Variants in ARHGAP21 observed in about 807,000 individuals in gnomAD.
The protein encoded by ARHGAP21 is rho GTPase-activating protein 21.
ARHGAP21 carries 38 observed loss-of-function variants against 164.6 expected under a neutral mutation model. The observed-to-expected ratio is 0.23, with a 90% CI of 0.18 to 0.30. The LOEUF (loss-of-function observed/expected upper bound fraction) is 0.30, where lower values mean the gene tolerates loss of function less well. Ranked by LOEUF, ARHGAP21 falls within the 10% of genes least tolerant of loss-of-function variation. The pLI is 1.00. For synonymous variants in ARHGAP21, 766 were observed against 857.9 expected, an observed-to-expected ratio of 0.89 and a Z score of 1.87; for missense variants, 1,822 against 2,370.7, an observed-to-expected ratio of 0.77 and a Z score of 4.81.
At chr10:24,685,243 G>T (rs1270211537) in intron 2 of ARHGAP21, among the ~76,000 whole-genome samples, 6 of 152,154 alleles carry the variant, frequency 3.9e-5, no homozygotes, top group Non-Finnish European at 8.8e-5. Context: ...ATGATGGAAA[G>T]AAATAATTTG....
intron 9 of ARHGAP21, among the ~76,000 whole-genome samples, chr10:24,616,577 C>G (rs1271965146): frequency 2.6e-5 from 4 of 152,106 alleles, no homozygotes; most frequent in African/African-American, 4.8e-5. Flanking sequence ...TGAGCACACA[C>G]GCAGCCAATG....
intron 24 of ARHGAP21, chr10:24,590,408 T>G (rs2076279788): frequency 6.5e-7 from 1 of 1,535,224 alleles, no homozygotes; most frequent in Admixed American, 2.0e-5. Flanking sequence ...TTCCTACAGT[T>G]CCAGCTGTCC....
chr10:24,708,059 A>G (rs1042620556), intron 2 of ARHGAP21, among the ~76,000 whole-genome samples: 4 of 152,248 alleles, frequency 2.6e-5, no homozygotes, highest in Admixed American at 2.6e-4. Context: ...AAAGTCTTCA[A>G]TAGCAAAATA....
At chr10:24,716,004 G>A (rs1330179716) in intron 2 of ARHGAP21, among the ~76,000 whole-genome samples, 1 of 152,196 alleles carries the variant, frequency 6.6e-6, no homozygotes, top group Non-Finnish European at 1.5e-5. Flanking sequence ...GCAAGGCTCT[G>A]TCTCAAAAAG....
intron 2 of ARHGAP21, among the ~76,000 whole-genome samples, chr10:24,674,820 G>A (rs1841057144): frequency 6.6e-6 from 1 of 152,144 alleles, no homozygotes. Flanking sequence ...ATCTGATAAA[G>A]GACTTGTATC....
chr10:24,679,291 G>A (rs1226673714), intron 2 of ARHGAP21, among the ~76,000 whole-genome samples: 2 of 152,178 alleles, frequency 1.3e-5, no homozygotes, highest in Non-Finnish European at 2.9e-5. Flanking sequence ...TTTGGTGAAG[G>A]CCTACTTCCT....
chr10:24,584,630 C>T lies in ARHGAP21; in HGVS notation c.5659G>A (p.Asp1887Asn), dbSNP rs779638258. 2.1e-5 allele frequency: 34 copies of T among 1,613,788 alleles called. No homozygotes were observed. Among genetic ancestry groups the T allele is most frequent in the South Asian group, 3.3e-5 (3 of 91,072 alleles). ...NPSTREIATTDTPLSLHCNTG... is the reference protein window; with the variant it reads ...NPSTREIATTNTPLSLHCNTG... ...TTGCAATGAAGAGACAAAGGTGTGT[C>T]GGTCGTGGCTATTTCTCGTGTGCTT... The change falls in exon 26 of 26, where the codon GAC (aspartate) becomes AAC (asparagine). Residue 1887 changes from aspartate to asparagine, a missense_variant. By Grantham distance (23) the Asp-to-Asn change is conservative (BLOSUM62 1). Transcript: ENST00000396432.
chr10:24,694,446 C>T lies in ARHGAP21; in HGVS notation c.64-24049G>A, dbSNP rs181836078. 2.5e-3 allele frequency among the ~76,000 whole-genome samples: 386 copies of T among 152,346 alleles called. 1 individual carries two copies. Among genetic ancestry groups the T allele is most frequent in the Non-Finnish European group, 4.7e-3 (320 of 68,034 alleles). ...ATGACATGGTTTATGCTGAACACTT[C>T]CTTTCCTTCTGGGAGTCTAGAATGT... is the stretch of plus-strand genomic sequence containing the variant. On this transcript the variant is annotated intron_variant, in intron 2 of 25. Coordinates refer to ENST00000396432, the MANE Select transcript of ARHGAP21 (RefSeq NM_020824.4).
At chr10:24,635,576 T>TCA (rs1363897487) in intron 4 of ARHGAP21, among the ~76,000 whole-genome samples, 29 of 152,330 alleles carry the variant, frequency 1.9e-4, no homozygotes, top group African/African-American at 6.5e-4. Context: ...AGATGGAGTC[T>TCA]CACTCTGTCA....
chr10:24,720,841 C>T (rs1358307072), intron 2 of ARHGAP21, among the ~76,000 whole-genome samples: 1 of 152,098 alleles, frequency 6.6e-6, no homozygotes, highest in Non-Finnish European at 1.5e-5. Flanking sequence ...TAATCCTCAA[C>T]CCTTCAATGA....
intron 9 of ARHGAP21, among the ~76,000 whole-genome samples, chr10:24,615,434 T>A (rs776194945): frequency 2.6e-5 from 4 of 152,112 alleles, no homozygotes; most frequent in Non-Finnish European, 5.9e-5. Context: ...GACAAAAGCA[T>A]GGGGAAGAGA....
At chr10:24,679,813 A>C (rs1387749094) in intron 2 of ARHGAP21, among the ~76,000 whole-genome samples, 1 of 152,214 alleles carries the variant, frequency 6.6e-6, no homozygotes, top group Non-Finnish European at 1.5e-5. Flanking sequence ...TTTAAGTTTC[A>C]GGGTACATGT....
intron 2 of ARHGAP21, among the ~76,000 whole-genome samples, chr10:24,707,208 T>C (rs748165769): frequency 6.6e-6 from 1 of 152,254 alleles, no homozygotes; most frequent in African/African-American, 2.4e-5. Context: ...TAGATCTTAA[T>C]AAGACAGATG....
chr10:24,594,788 T>C (rs1424314855), intron 21 of ARHGAP21, among the ~76,000 whole-genome samples, 162 bp downstream of exon 21: 1 of 152,216 alleles, frequency 6.6e-6, no homozygotes, highest in Non-Finnish European at 1.5e-5. Context: ...TGACAACTGG[T>C]ATTTTGGGAT....
chr10:24,700,184 G>A (rs1195901441), intron 2 of ARHGAP21, among the ~76,000 whole-genome samples: 1 of 152,138 alleles, frequency 6.6e-6, no homozygotes, highest in East Asian at 1.9e-4. Flanking sequence ...CCAGCCATCT[G>A]TGCATTTTGG....
Position 24,586,071 on chromosome 10 carries a change from C to A in ARHGAP21, c.4218G>T (p.Arg1406Ser). 6.2e-7 allele frequency: 1 copy of A among 1,611,042 alleles called. No homozygotes were observed. The highest frequency in any genetic ancestry group is 2.2e-5 in the East Asian group (1 of 44,866). Residue 1406 changes from arginine (R) to serine (S), a missense_variant, in exon 26 of 26, where the codon AGG (arginine) becomes AGT (serine). This residue lies in a region of ARHGAP21 where 333 missense variants were observed against 383.9 expected (regional missense o/e 0.87). Transcript: ENST00000396432. ...SWGSGKDQYSRELLVSSIFAA... is the reference protein window; with the variant it reads ...SWGSGKDQYSSELLVSSIFAA... The stretch of plus-strand genomic sequence containing the variant: ...CAAAGATGGAGGACACAAGCAGTTC[C>A]CTGCTATACTGATCCTTTCCAGATC...
At chr10:24,684,896 C>T (rs1343032902) in intron 2 of ARHGAP21, among the ~76,000 whole-genome samples, 1 of 152,206 alleles carries the variant, frequency 6.6e-6, no homozygotes, top group Non-Finnish European at 1.5e-5. Flanking sequence ...CCCTCAGCCT[C>T]CCAAAGTGCT....
Position 24,621,133 on chromosome 10 carries a change from T to C in ARHGAP21, c.762A>G (p.Pro254=). 6.2e-7 allele frequency: 1 copy of C among 1,613,690 alleles called. No homozygotes were observed. The highest frequency in any genetic ancestry group is 1.1e-5 in the South Asian group (1 of 91,074). ...CTGTGTTTGATTTTGCAACATCTGT[T>C]GGTGATGGAGGCACTTGTATTTCCA... ...YRMEIQVPPS[P]TDVAKSNTAV... The change falls in exon 9 of 26, where the codon CCA becomes CCG. Residue 254 remains proline, a synonymous_variant. Transcript: ENST00000396432.
At chr10:24,639,704 T>C (rs1162299187) in intron 4 of ARHGAP21, among the ~76,000 whole-genome samples, 1 of 152,072 alleles carries the variant, frequency 6.6e-6, no homozygotes, top group South Asian at 2.1e-4. Flanking sequence ...AAATTTCCAA[T>C]AACTCTGACA....
Sources: allele counts gnomAD v4.1 joint callset (sites outside exome capture counted in the v4.1 genomes callset), GRCh38; gene constraint gnomAD v4.1.1; regional missense constraint gnomAD v4.1.1; transcripts MANE v1.5; gene names NCBI Gene and HGNC (gene_info 2026-07-23, HGNC 2026-07-21).